MRAP2: variants seen among roughly 807,000 people sequenced by gnomAD.
MRAP2 encodes the protein melanocortin-2 receptor accessory protein 2.
Under a neutral mutation model 17.4 loss-of-function variants are expected in MRAP2, and 20 were observed. The observed-to-expected ratio is 1.15, with a 90% CI of 0.81 to 1.67. The LOEUF (loss-of-function observed/expected upper bound fraction) is 1.67. Among genes scored for constraint, MRAP2 ranks in the 40% most tolerant of loss-of-function variants. The pLI is 0.00. For synonymous variants in MRAP2, 96 were observed against 88.4 expected (o/e 1.09, Z -0.48); for missense variants, 238 against 240.0 (o/e 0.99, Z 0.05).
intron 3 of MRAP2, among the ~76,000 whole-genome samples, chr6:84,083,312 T>A (rs989125808): frequency 6.6e-5 from 10 of 152,322 alleles, no homozygotes; most frequent in African/African-American, 2.4e-4. Context: ...TCATAGAAAC[T>A]GAGATATTAG....
At chr6:84,043,063 C>T (rs1319820288) in intron 1 of MRAP2, among the ~76,000 whole-genome samples, 1 of 152,214 alleles carries the variant, frequency 6.6e-6, no homozygotes, top group African/African-American at 2.4e-5. Context: ...TTTGGCAAGT[C>T]ATCCTCACAG....
intron 2 of MRAP2, among the ~76,000 whole-genome samples, chr6:84,062,330 AC>A (rs527407967): frequency 3.3e-5 from 5 of 152,166 alleles, no homozygotes; most frequent in Non-Finnish European, 7.3e-5. Context: ...CTGTTTCCGT[AC>A]CTTGCTTCTT....
chr6:84,064,611 C>T (rs2099494109), intron 3 of MRAP2, among the ~76,000 whole-genome samples: 1 of 152,186 alleles, frequency 6.6e-6, no homozygotes, highest in Admixed American at 6.5e-5. Flanking sequence ...CCTCAGCCTC[C>T]CCAGTAGCTG....
At chr6:84,034,317 T>G (rs939795569) in intron 1 of MRAP2, among the ~76,000 whole-genome samples, 8 of 145,324 alleles carry the variant, frequency 5.5e-5, no homozygotes, top group South Asian at 2.1e-4. Context: ...GGAAATGTGC[T>G]GGCTCCTGGC....
intron 2 of MRAP2, 151 bp downstream of exon 2, chr6:84,055,596 A>C: frequency 2.7e-6 from 2 of 738,352 alleles, no homozygotes; most frequent in South Asian, 1.9e-5. Flanking sequence ...TCGCCTCCAC[A>C]CATAGGCTGA....
the MRAP2 span, among the ~76,000 whole-genome samples, chr6:84,119,870 A>C: frequency 6.6e-6 from 1 of 152,180 alleles, no homozygotes; most frequent in Admixed American, 6.6e-5. Flanking sequence ...AAACCAATTA[A>C]AGAAACTCAT....
chr6:84,091,089 TATC>T (rs1398982009), downstream of MRAP2, among the ~76,000 whole-genome samples: 4 of 152,160 alleles, frequency 2.6e-5, no homozygotes, highest in African/African-American at 9.7e-5. Context: ...TTAAAGAAAA[TATC>T]ATTCTTTAAG....
At chr6:84,084,207 G>A (rs2099499711) in intron 3 of MRAP2, among the ~76,000 whole-genome samples, 1 of 152,102 alleles carries the variant, frequency 6.6e-6, no homozygotes, top group Non-Finnish European at 1.5e-5. Flanking sequence ...TGAATTTTTA[G>A]TAACAAATCT....
the MRAP2 span, among the ~76,000 whole-genome samples, chr6:84,108,028 C>A: frequency 2.0e-5 from 3 of 152,164 alleles, no homozygotes; most frequent in Non-Finnish European, 4.4e-5. Flanking sequence ...AGATATTTCC[C>A]AAATTATCTG....
intron 3 of MRAP2, among the ~76,000 whole-genome samples, chr6:84,084,140 A>C (rs1357013032): frequency 6.6e-6 from 1 of 152,210 alleles, no homozygotes; most frequent in Non-Finnish European, 1.5e-5. Flanking sequence ...TTTAATATTT[A>C]TATTTTAGCC....
At chr6:84,112,876 A>G in the MRAP2 span, among the ~76,000 whole-genome samples, 3 of 152,258 alleles carry the variant, frequency 2.0e-5, no homozygotes, top group South Asian at 6.2e-4. Flanking sequence ...GTCATTCAGG[A>G]GCAGTTGTTC....
chr6:84,139,883 A>G, the MRAP2 span, among the ~76,000 whole-genome samples: 1 of 144,692 alleles, frequency 6.9e-6, no homozygotes, highest in East Asian at 1.9e-4. Flanking sequence ...ATCACAGGAC[A>G]GAACACAGAC....
At chr6:84,088,739 C>T (rs2099501089) in intron 3 of MRAP2, among the ~76,000 whole-genome samples, 1 of 152,010 alleles carries the variant, frequency 6.6e-6, no homozygotes, top group African/African-American at 2.4e-5. Flanking sequence ...GGTCTGTGAC[C>T]CAGGAATCTG....
chr6:84,045,904 G>C (rs770368144), intron 1 of MRAP2, among the ~76,000 whole-genome samples: 1 of 152,202 alleles, frequency 6.6e-6, no homozygotes, highest in Non-Finnish European at 1.5e-5. Context: ...AAGCAACTTG[G>C]TATTTCGTTA....
the MRAP2 span, chr6:84,124,148 A>G: frequency 6.6e-6 from 1 of 152,160 alleles, no homozygotes; most frequent in South Asian, 2.1e-4. Flanking sequence ...GGAAAGCAGT[A>G]TAGAGATTTC....
downstream of MRAP2, among the ~76,000 whole-genome samples, chr6:84,094,598 C>T (rs2099502339): frequency 6.6e-6 from 1 of 152,310 alleles, no homozygotes; most frequent in Admixed American, 6.5e-5. Context: ...TTTCCAATAA[C>T]ATGTTCCTCA....
chr6:84,063,344 G>A (rs2099493667), intron 3 of MRAP2: 9 of 985,170 alleles, frequency 9.1e-6, no homozygotes, highest in Non-Finnish European at 1.1e-5. Flanking sequence ...ATTAAAAACA[G>A]TGGAAAAGAC....
chr6:84,088,037 C>A (rs1470293452), intron 3 of MRAP2, among the ~76,000 whole-genome samples: 1 of 151,992 alleles, frequency 6.6e-6, no homozygotes, highest in Non-Finnish European at 1.5e-5. Flanking sequence ...CAAATTCTTA[C>A]AGAATTTGGT....
chr6:84,080,031 T>TG (rs2099498577), intron 3 of MRAP2, among the ~76,000 whole-genome samples: 1 of 151,410 alleles, frequency 6.6e-6, no homozygotes, highest in Admixed American at 6.6e-5. Context: ...GTTTTTTTTT[T>TG]GTTTGTTTGA....
Sources: gnomAD v4.1 joint callset for allele counts (sites outside exome capture counted in the v4.1 genomes callset) on GRCh38, gnomAD v4.1.1 for gene constraint, MANE v1.5 for transcripts, NCBI Gene and HGNC (gene_info 2026-07-23, HGNC 2026-07-21) for gene names.